CTDP1: variants seen among roughly 807,000 people sequenced by gnomAD.
The protein encoded by CTDP1 is CTD phosphatase 1.
Under a neutral mutation model 91.8 loss-of-function variants are expected in CTDP1, and 47 were observed. The observed-to-expected ratio is 0.51, with a 90% CI of 0.41 to 0.65. CTDP1 has a LOEUF of 0.65. Ranked by LOEUF, CTDP1 falls within the 30% of genes least tolerant of loss-of-function variation. The probability of loss-of-function intolerance (pLI) is 0.00; values close to 1 mark genes in which losing one functional copy is unlikely to be tolerated. For missense variants in CTDP1, 1,272 were observed against 1,373.7 expected (o/e 0.93, Z 1.17); for synonymous variants, 656 against 598.5 (o/e 1.10, Z -1.40).
chr18:79,716,960 G>C (rs2086222376), intron 8 of CTDP1, among the ~76,000 whole-genome samples: 1 of 152,144 alleles, frequency 6.6e-6, no homozygotes, highest in African/African-American at 2.4e-5. Context: ...GGCAGCCCTG[G>C]TGGGGTGCAG....
At chr18:79,738,707 G>C (rs746388182) in intron 12 of CTDP1, among the ~76,000 whole-genome samples, 6 of 152,236 alleles carry the variant, frequency 3.9e-5, no homozygotes, top group South Asian at 4.1e-4. Context: ...GACAAGACAA[G>C]ATAGTCATTG....
chr18:79,714,717 G>T lies in CTDP1; in HGVS notation c.1257G>T (p.Leu419=). The T allele has an allele frequency of 6.2e-7, 1 of 1,605,778 alleles. No homozygotes were observed. The change falls in exon 8 of 13, where the codon CTG becomes CTT. Residue 419 remains leucine, a synonymous_variant. Transcript: ENST00000613122. ...PAQAPTSSQE[L]AGAPEPQGSC... is the part of the protein sequence containing the mutation. ...AGGCCCCCACCAGCAGCCAAGAGCTGGCAGGCGCTCCTGAGCCCCAGGGAT... is the reference window on the plus strand; with the variant it reads ...AGGCCCCCACCAGCAGCCAAGAGCTTGCAGGCGCTCCTGAGCCCCAGGGAT...
rs181463866 is a variant in CTDP1, at chr18:79,729,985, C to A, written c.2580+916C>A. The stretch of plus-strand genomic sequence containing the variant: ...CATTCTGTTTGCATCCAGAAGGCAG[C>A]AGAGGTTCTTGAGGAGGAAAACAGC... On this transcript the variant is annotated intron_variant, in intron 11 of 12. Coordinates refer to ENST00000613122, the MANE Select transcript of CTDP1 (RefSeq NM_004715.5). Among the ~76,000 whole-genome samples the A allele has an allele frequency of 1.3e-3, 197 of 152,324 alleles. 1 individual carries two copies. The highest frequency in any genetic ancestry group is 3.4e-3 in the Middle Eastern group (1 of 294).
intron 11 of CTDP1, 139 bp downstream of exon 11, chr18:79,729,208 G>A: frequency 9.0e-7 from 1 of 1,116,194 alleles, no homozygotes; most frequent in Non-Finnish European, 1.3e-6. Flanking sequence ...GTCTGGTTTG[G>A]GACGAGCACT....
chr18:79,702,765 T>C (rs1408677597), intron 4 of CTDP1: 1 of 152,230 alleles, frequency 6.6e-6, no homozygotes, highest in Non-Finnish European at 1.5e-5. Context: ...TGCAGTAGAG[T>C]GTCAGCATGG....
intron 11 of CTDP1, among the ~76,000 whole-genome samples, chr18:79,729,576 C>T (rs879335637): frequency 2.0e-5 from 3 of 152,226 alleles, no homozygotes; most frequent in Non-Finnish European, 4.4e-5. Flanking sequence ...TATCACAGCG[C>T]GAAACAACTT....
chr18:79,732,363 A>G, intron 11 of CTDP1, among the ~76,000 whole-genome samples: 1 of 145,140 alleles, frequency 6.9e-6, no homozygotes, highest in South Asian at 2.3e-4. Flanking sequence ...GTGAGACATG[A>G]GAACTCACAT....
intron 11 of CTDP1, among the ~76,000 whole-genome samples, chr18:79,733,473 C>T (rs182643026): frequency 9.6e-4 from 146 of 152,254 alleles, no homozygotes; most frequent in African/African-American, 3.1e-3. Flanking sequence ...TACACCCCTG[C>T]GGAAAAGCCT....
chr18:79,695,391 A>G lies in CTDP1; in HGVS notation c.398+83A>G, dbSNP rs2085726050. The G allele has an allele frequency of 2.0e-5, 25 of 1,269,562 alleles. No individual in the cohort carries two copies. The South Asian group carries it at 2.6e-4, about 13-fold the overall frequency. 78.6% of individuals were successfully genotyped at this position (1,269,562 alleles called of 1,614,324 possible). A position where few individuals can be genotyped will look rare whatever the true frequency, so the allele number is the denominator to read the frequency against. On this transcript the variant is annotated intron_variant, in intron 2 of 12. Coordinates refer to ENST00000613122, the MANE Select transcript of CTDP1 (RefSeq NM_004715.5). ...GGGAGTCCGAGAAGCTGTGCTGGGAACACAGTGAGGCCCTTGGTTTCCCAG... is the reference window on the plus strand; with the variant it reads ...GGGAGTCCGAGAAGCTGTGCTGGGAGCACAGTGAGGCCCTTGGTTTCCCAG...
intron 1 of CTDP1, among the ~76,000 whole-genome samples, chr18:79,683,811 C>T (rs927109986): frequency 1.4e-4 from 22 of 152,086 alleles, no homozygotes; most frequent in Non-Finnish European, 2.8e-4. Context: ...ACATTGCTGA[C>T]GAGGTGTGGG....
At chr18:79,695,834 G>C in intron 2 of CTDP1, 143 bp from the exon 3 acceptor site, 1 of 739,140 alleles carries the variant, frequency 1.4e-6, no homozygotes, top group Non-Finnish European at 2.4e-6. Context: ...ATGTTTCCAC[G>C]TTTGCCGACA....
At chr18:79,739,793 C>T (rs1443277728) in intron 12 of CTDP1, among the ~76,000 whole-genome samples, 1 of 151,214 alleles carries the variant, frequency 6.6e-6, no homozygotes, top group African/African-American at 2.4e-5. Flanking sequence ...GTGGGACTCT[C>T]ATACCCACGG....
upstream of CTDP1, chr18:79,677,199 T>C (rs940531325): frequency 6.6e-6 from 1 of 152,306 alleles, no homozygotes; most frequent in African/African-American, 2.4e-5. Context: ...GTGGAGCCCT[T>C]GGCCCCCCTA....
chr18:79,710,499 A>G (rs2086058266), intron 6 of CTDP1, 63 bp downstream of exon 6: 1 of 1,270,198 alleles, frequency 7.9e-7, no homozygotes, highest in African/African-American at 1.5e-5. Context: ...CAAAAATCGC[A>G]TCTTGAAATT....
Position 79,713,179 on chromosome 18 carries a change from T to C in CTDP1, c.1030+41T>C. 1.3e-6 allele frequency: 2 copies of C among 1,587,412 alleles called. No individual in the cohort carries two copies. Among genetic ancestry groups the C allele is most frequent in the Non-Finnish European group, 1.7e-6 (2 of 1,160,120 alleles). On this transcript the variant is annotated intron_variant, in intron 7 of 12. Coordinates refer to ENST00000613122, the MANE Select transcript of CTDP1 (RefSeq NM_004715.5). This position sits in a 1 kb window ranked among gnomAD's most constrained non-coding sequence, Gnocchi z 4.7. ...CCTGATTCTCTAGAAGAATTCACAT[T>C]TGCTTATTGTTTAGCTCTTCTTATT...
chr18:79,679,895 C>T lies in CTDP1; in HGVS notation c.-53C>T. 7.4e-7 allele frequency: 1 copy of T among 1,343,166 alleles called. No homozygotes were observed. Among genetic ancestry groups the T allele is most frequent in the Non-Finnish European group, 9.6e-7 (1 of 1,043,046 alleles). 83.2% of individuals were successfully genotyped at this position (1,343,166 alleles called of 1,614,324 possible). A position where few individuals can be genotyped will look rare whatever the true frequency, so the allele number is the denominator to read the frequency against. On this transcript the variant is annotated 5_prime_UTR_variant, in exon 1 of 13. Coordinates refer to ENST00000613122, the MANE Select transcript of CTDP1 (RefSeq NM_004715.5). ...TTGTGTCGCCGCGGTAGGCGCTGCGCTCTGAGCGCAGCGCAGGCCCCGTAC... is the reference window on the plus strand; with the variant it reads ...TTGTGTCGCCGCGGTAGGCGCTGCGTTCTGAGCGCAGCGCAGGCCCCGTAC...
At chr18:79,721,079 C>G (rs1194024532) in intron 10 of CTDP1, among the ~76,000 whole-genome samples, 1 of 152,206 alleles carries the variant, frequency 6.6e-6, no homozygotes, top group Non-Finnish European at 1.5e-5. Flanking sequence ...GTCCTTTCAT[C>G]TGTGGCGAAG....
intron 11 of CTDP1, among the ~76,000 whole-genome samples, chr18:79,733,826 T>C (rs1159167039): frequency 6.6e-6 from 1 of 152,192 alleles, no homozygotes; most frequent in Non-Finnish European, 1.5e-5. Context: ...GGTAGAAACA[T>C]TTCATTTCCG....
chr18:79,717,646 C>A lies in CTDP1; in HGVS notation c.2180C>A (p.Pro727Gln), dbSNP rs925403276. ...GACAAGGTGGAGGAGCAGCTCTTCCCGCTCAGGGACGATCACACCAAGGCA... is the reference window on the plus strand; with the variant it reads ...GACAAGGTGGAGGAGCAGCTCTTCCAGCTCAGGGACGATCACACCAAGGCA... ...RWDKVEEQLF[P>Q]LRDDHTKAQR... Residue 727 changes from proline to glutamine, a missense_variant, in exon 9 of 13, where the codon CCG (proline) becomes CAG (glutamine). By Grantham distance (76) the Pro-to-Gln change is moderately conservative. This residue lies in a region of CTDP1 where 881 missense variants were observed against 911.6 expected (regional missense o/e 0.97). Transcript: ENST00000613122. 6.2e-7 allele frequency: 1 copy of A among 1,614,004 alleles called. No individual in the cohort carries two copies. Among genetic ancestry groups the A allele is most frequent in the Non-Finnish European group, 8.5e-7 (1 of 1,179,972 alleles).
Sources: gnomAD v4.1 joint callset for allele counts (sites outside exome capture counted in the v4.1 genomes callset) on GRCh38, gnomAD v4.1.1 for gene constraint, gnomAD v4.1.1 regional missense constraint, Gnocchi (gnomAD v3.1) non-coding constraint, MANE v1.5 for transcripts, NCBI Gene and HGNC (gene_info 2026-07-23, HGNC 2026-07-21) for gene names.